The following LOC122539214 variants were observed in gnomAD, a reference collection of about 807,000 sequenced individuals.
At chr19:52,678,507 G>A in the LOC122539214 span, among the ~76,000 whole-genome samples, 1 of 150,076 alleles carries the variant, frequency 6.7e-6, no homozygotes, top group Non-Finnish European at 1.5e-5. Context: ...TGTTTCTTAT[G>A]TAAAAACAAG....
At chr19:52,661,103 T>A in the LOC122539214 span, among the ~76,000 whole-genome samples, 3 of 151,996 alleles carry the variant, frequency 2.0e-5, no homozygotes, top group Non-Finnish European at 4.4e-5. Context: ...GACCTTGAGA[T>A]CTGCCCACCT....
chr19:52,681,393 T>C, the LOC122539214 span, among the ~76,000 whole-genome samples: 2 of 151,534 alleles, frequency 1.3e-5, no homozygotes, highest in Non-Finnish European at 2.9e-5. Flanking sequence ...AAGTGGTGTC[T>C]AGAGAGGACA....
the LOC122539214 span, among the ~76,000 whole-genome samples, chr19:52,663,711 T>C: frequency 6.6e-6 from 1 of 152,146 alleles, no homozygotes; most frequent in Non-Finnish European, 1.5e-5. Flanking sequence ...CAGTGCTCAA[T>C]CTAAACTGAA....
the LOC122539214 span, chr19:52,654,308 G>A: frequency 6.7e-7 from 1 of 1,497,366 alleles, no homozygotes; most frequent in East Asian, 2.3e-5. Context: ...CCAATGTGAT[G>A]ACTTTTATGT....
At chr19:52,653,594 G>A in the LOC122539214 span, among the ~76,000 whole-genome samples, 3 of 151,902 alleles carry the variant, frequency 2.0e-5, no homozygotes, top group Non-Finnish European at 2.9e-5. Flanking sequence ...TGACGTCTAC[G>A]ATGCCCTACA....
At chr19:52,670,404 T>G in the LOC122539214 span, among the ~76,000 whole-genome samples, 1 of 152,284 alleles carries the variant, frequency 6.6e-6, no homozygotes, top group Middle Eastern at 3.4e-3. Context: ...AAATAACCCC[T>G]TCCCCTCCCT....
At chr19:52,656,790 C>T in the LOC122539214 span, among the ~76,000 whole-genome samples, 12 of 147,786 alleles carry the variant, frequency 8.1e-5, no homozygotes, top group African/African-American at 2.0e-4. Flanking sequence ...CACTTGAACT[C>T]GGGAGGCTGA....
the LOC122539214 span, among the ~76,000 whole-genome samples, chr19:52,668,664 G>A: frequency 2.0e-5 from 3 of 152,166 alleles, no homozygotes; most frequent in Non-Finnish European, 2.9e-5. Context: ...GCAAACCATA[G>A]CTATTGAAAC....
chr19:52,650,720 G>A, the LOC122539214 span: 4 of 152,166 alleles, frequency 2.6e-5, no homozygotes, highest in African/African-American at 4.8e-5. Flanking sequence ...TTTGAAACCC[G>A]ATCAACCAAT....
the LOC122539214 span, among the ~76,000 whole-genome samples, chr19:52,680,727 C>T: frequency 1.4e-5 from 2 of 142,398 alleles, no homozygotes; most frequent in African/African-American, 2.9e-5. Flanking sequence ...ATTCTCCTGC[C>T]TCAGCCTCCC....
chr19:52,668,158 C>T, the LOC122539214 span, among the ~76,000 whole-genome samples: 1 of 152,130 alleles, frequency 6.6e-6, no homozygotes, highest in Non-Finnish European at 1.5e-5. Flanking sequence ...AGTACATCAG[C>T]ATCGGCCTGG....
chr19:52,652,072 A>AC, the LOC122539214 span: 2 of 240,020 alleles, frequency 8.3e-6, no homozygotes, highest in South Asian at 1.2e-4. Context: ...AGACATTGCC[A>AC]CACCTATTCC....
At chr19:52,682,329 G>A in the LOC122539214 span, among the ~76,000 whole-genome samples, 26,879 of 152,060 alleles carry the variant, frequency 0.18, 3,024 homozygotes, top group East Asian at 0.34. Flanking sequence ...AGGCTATAGT[G>A]AGCTATGATT....
At chr19:52,690,054 C>G in the LOC122539214 span, among the ~76,000 whole-genome samples, 1 of 152,156 alleles carries the variant, frequency 6.6e-6, no homozygotes, top group African/African-American at 2.4e-5. Context: ...CTCCCCGGGA[C>G]AGGGGCCGCG....
the LOC122539214 span, among the ~76,000 whole-genome samples, chr19:52,658,751 C>T: frequency 0.68 from 103,813 of 151,914 alleles, 35,671 homozygotes; most frequent in Admixed American, 0.77. Flanking sequence ...CCCAGTTAAG[C>T]CTGTTTACCC....
the LOC122539214 span, among the ~76,000 whole-genome samples, chr19:52,682,539 T>C: frequency 2.3e-3 from 347 of 152,050 alleles, 1 homozygote; most frequent in African/African-American, 7.8e-3. Flanking sequence ...GGCATGGCAG[T>C]GCATACCTGT....
the LOC122539214 span, chr19:52,655,451 T>C: frequency 3.0e-6 from 3 of 1,011,326 alleles, no homozygotes; most frequent in Admixed American, 2.1e-5. Context: ...AACAATGACA[T>C]GTACATCAAA....
At chr19:52,689,953 G>C in the LOC122539214 span, among the ~76,000 whole-genome samples, 1 of 152,176 alleles carries the variant, frequency 6.6e-6, no homozygotes, top group Non-Finnish European at 1.5e-5. Flanking sequence ...GGGAGCAGCA[G>C]GGCCCGGCAC....
At chr19:52,670,193 TGATCACCTGCCCCACCCTGACTCACTCC>T in the LOC122539214 span, among the ~76,000 whole-genome samples, 1 of 151,994 alleles carries the variant, frequency 6.6e-6, no homozygotes, top group Non-Finnish European at 1.5e-5. Flanking sequence ...TGACTCATTC[TGATCACCTGCCCCACCCTGACTCACTCC>T]GATTACCTGC....
Sources: gnomAD v4.1 joint callset for allele counts (sites outside exome capture counted in the v4.1 genomes callset) on GRCh38, gnomAD v4.1.1 for gene constraint, MANE v1.5 for transcripts.